Variants in CNMD observed in about 807,000 individuals in gnomAD.
CNMD encodes chondromodulin.
A neutral mutation model predicts 37.5 loss-of-function variants in CNMD; 30 were observed. The ratio of observed to expected loss-of-function variants is 0.80; its 90% CI spans 0.60 to 1.09. The LOEUF (loss-of-function observed/expected upper bound fraction) is 1.09, where lower values mean the gene tolerates loss of function less well. CNMD is among the 50% of genes least tolerant of loss of function. CNMD has a pLI of 0.00. For missense variants in CNMD, 398 were observed against 423.9 expected, an observed-to-expected ratio of 0.94 and a Z score of 0.54; for synonymous variants, 167 against 148.2, an observed-to-expected ratio of 1.13 and a Z score of -0.92.
At chr13:52,734,558 A>G (rs116507277) in intron 2 of CNMD, among the ~76,000 whole-genome samples, 204 of 152,076 alleles carry the variant, frequency 1.3e-3, no homozygotes, top group African/African-American at 4.5e-3. Flanking sequence ...TGGCAGAGCT[A>G]GGAGGTGGGT....
In CNMD at chr13:52,739,600, C is replaced by T. The variant is rs1310003232; in HGVS notation, c.72+30G>A. The T allele has an allele frequency of 1.3e-6, 2 of 1,597,182 alleles. 1 individual carries two copies. The highest frequency in any genetic ancestry group is 2.2e-5 in the South Asian group (2 of 90,724). ...AACCTGATACTCACACAACCCAGGC[C>T]CTGCGTGTGGAATCCCTGGCGGTAC... On this transcript the variant is annotated intron_variant, in intron 1 of 6. Coordinates refer to ENST00000377962, the MANE Select transcript of CNMD (RefSeq NM_007015.3). The surrounding 1 kb of genome is among the most constrained non-coding windows in gnomAD (Gnocchi z 5.4).
intron 3 of CNMD, among the ~76,000 whole-genome samples, chr13:52,731,090 A>C (rs1391216572): frequency 6.6e-6 from 1 of 152,024 alleles, no homozygotes; most frequent in Non-Finnish European, 1.5e-5. Context: ...GCCTTCCCCT[A>C]CCTGTCTGAC....
rs939939790 is a variant in CNMD at position 52,703,365 on chromosome 13, A to T, written c.*230T>A. 3.4e-5 allele frequency: 14 copies of T among 416,762 alleles called. No homozygotes were observed. Among genetic ancestry groups the T allele is most frequent in the South Asian group, 7.1e-5 (1 of 14,182 alleles). 25.8% of individuals were successfully genotyped at this position (416,762 alleles called of 1,614,324 possible). ...AAGCAATGCAAATAAAAAATAACAA[A>T]TAATAAAGGGGTTATGGCATTTTAG... On this transcript the variant is annotated 3_prime_UTR_variant, in exon 7 of 7. Coordinates refer to ENST00000377962, the MANE Select transcript of CNMD (RefSeq NM_007015.3).
intron 4 of CNMD, among the ~76,000 whole-genome samples, chr13:52,718,241 T>C (rs986318784): frequency 4.6e-5 from 7 of 152,202 alleles, no homozygotes; most frequent in African/African-American, 1.7e-4. Flanking sequence ...TTTTCTTCTT[T>C]ATTAGTCTGG....
chr13:52,739,801 C>T lies in CNMD; in HGVS notation c.-100G>A, dbSNP rs1244851289. ...AGGGCATTTCAACGCCGCGCGCACA[C>T]ACGGTGCACGGTCCCGCCTGGGCCA... On this transcript the variant is annotated 5_prime_UTR_variant, in exon 1 of 7. In the 5' UTR this introduces an upstream ATG that the reference lacks. Coordinates refer to ENST00000377962, the MANE Select transcript of CNMD (RefSeq NM_007015.3). This position sits in a 1 kb window ranked among gnomAD's most constrained non-coding sequence, Gnocchi z 5.4. 14 of 997,000 alleles carry T rather than the reference C, an allele frequency of 1.4e-5. No homozygotes were observed. The South Asian group carries it at 2.0e-4, about 14-fold the overall frequency. 61.8% of individuals were successfully genotyped at this position (997,000 alleles called of 1,614,324 possible).
intron 6 of CNMD, among the ~76,000 whole-genome samples, chr13:52,708,284 C>A (rs538849529): frequency 6.6e-6 from 1 of 151,790 alleles, no homozygotes; most frequent in Non-Finnish European, 1.5e-5. Context: ...TGTGTTCAAG[C>A]GATTCTCCTG....
Position 52,739,315 on chromosome 13 carries a change from T to C in CNMD, c.73-144A>G. 1 of 980,402 alleles carries C rather than the reference T, an allele frequency of 1.0e-6. No homozygotes were observed. Among genetic ancestry groups the C allele is most frequent in the Non-Finnish European group, 1.4e-6 (1 of 699,520 alleles). The allele number at this position is 980,402 out of a possible 1,614,324, so 60.7% of individuals were successfully genotyped here. ...TCGCCCGGGCTCCTACGGGTGCCCC[T>C]TTCGCCGCGCTCCCTCCCGAGGGTC... On this transcript the variant is annotated intron_variant, in intron 1 of 6. Transcript: ENST00000377962. This position sits in a 1 kb window ranked among gnomAD's most constrained non-coding sequence, Gnocchi z 5.4.
In CNMD at chr13:52,737,856, T is replaced by C. The variant is rs187658205; in HGVS notation, c.213+1175A>G. 3.1e-3 allele frequency among the ~76,000 whole-genome samples: 468 copies of C among 152,358 alleles called. 1 individual carries two copies. The highest frequency in any genetic ancestry group is 0.011 in the African/African-American group (445 of 41,590). On this transcript the variant is annotated intron_variant, in intron 2 of 6. Transcript: ENST00000377962. The stretch of plus-strand genomic sequence containing the variant: ...AAAATACAAATACATTAAGGCACTT[T>C]TCAAATACCCACAAAATACAGTGCA...
intron 2 of CNMD, among the ~76,000 whole-genome samples, chr13:52,736,252 C>T (rs373790417): frequency 2.4e-3 from 361 of 152,326 alleles, no homozygotes; most frequent in African/African-American, 8.1e-3. Flanking sequence ...CCTCGGCCTC[C>T]CGAAGTGCTG....
chr13:52,716,535 G>A (rs1964385141), intron 4 of CNMD, among the ~76,000 whole-genome samples: 1 of 152,162 alleles, frequency 6.6e-6, no homozygotes, highest in East Asian at 1.9e-4. Flanking sequence ...TAAGGTGTAA[G>A]GAAGGGGTCC....
chr13:52,733,908 T>A (rs529319591), intron 2 of CNMD, among the ~76,000 whole-genome samples: 19 of 152,292 alleles, frequency 1.2e-4, no homozygotes, highest in Admixed American at 3.9e-4. Context: ...AGGTATATGG[T>A]ATATGGTATT....
chr13:52,706,000 C>A (rs546510961), intron 6 of CNMD, among the ~76,000 whole-genome samples: 65 of 152,182 alleles, frequency 4.3e-4, no homozygotes, highest in Admixed American at 7.9e-4. Flanking sequence ...TTAGAAAATA[C>A]TTCTTGCTCC....
At chr13:52,707,214 C>T (rs1964196824) in intron 6 of CNMD, among the ~76,000 whole-genome samples, 1 of 152,106 alleles carries the variant, frequency 6.6e-6, no homozygotes, top group African/African-American at 2.4e-5. Flanking sequence ...ATTTTAAAAG[C>T]TAGCTACAAA....
At chr13:52,713,409 C>T (rs1964323349) in intron 4 of CNMD, among the ~76,000 whole-genome samples, 1 of 152,200 alleles carries the variant, frequency 6.6e-6, no homozygotes, top group Non-Finnish European at 1.5e-5. Flanking sequence ...TTCCTCACAT[C>T]AAGCACACCA....
chr13:52,722,309 G>C (rs1964498157), intron 4 of CNMD, among the ~76,000 whole-genome samples: 2 of 152,316 alleles, frequency 1.3e-5, no homozygotes, highest in East Asian at 3.9e-4. Context: ...ACCGCCTGCA[G>C]CTGCTCCTAT....
chr13:52,720,747 C>G (rs892372501), intron 4 of CNMD, among the ~76,000 whole-genome samples: 1 of 151,644 alleles, frequency 6.6e-6, no homozygotes, highest in Non-Finnish European at 1.5e-5. Context: ...TCAATCCCTG[C>G]TGGGAGGTGT....
At chr13:52,720,587 C>G (rs1478409963) in intron 4 of CNMD, among the ~76,000 whole-genome samples, 1 of 152,182 alleles carries the variant, frequency 6.6e-6, no homozygotes, top group Admixed American at 6.5e-5. Flanking sequence ...CTGGAGTTTG[C>G]TGAGGTCCAC....
chr13:52,736,246 G>A (rs965264168), intron 2 of CNMD, among the ~76,000 whole-genome samples: 20 of 152,256 alleles, frequency 1.3e-4, no homozygotes, highest in African/African-American at 3.1e-4. Flanking sequence ...CGCCCGCCTC[G>A]GCCTCCCGAA....
At chr13:52,718,922 G>A (rs1485617166) in intron 4 of CNMD, among the ~76,000 whole-genome samples, 6 of 152,038 alleles carry the variant, frequency 3.9e-5, no homozygotes, top group African/African-American at 9.7e-5. Flanking sequence ...TATTGAAAGC[G>A]GGGTGTTAAA....
Sources: allele counts gnomAD v4.1 joint callset (sites outside exome capture counted in the v4.1 genomes callset), GRCh38; gene constraint gnomAD v4.1.1; non-coding constraint Gnocchi (gnomAD v3.1); transcripts MANE v1.5; gene names NCBI Gene and HGNC (gene_info 2026-07-23, HGNC 2026-07-21).